The following FAM168A variants were observed in gnomAD, a reference collection of about 807,000 sequenced individuals.
FAM168A encodes the protein protein FAM168A.
Under a neutral mutation model 28.5 loss-of-function variants are expected in FAM168A, and 3 were observed. That is an observed-to-expected ratio of 0.11 (90% CI 0.05 to 0.27). FAM168A has a LOEUF of 0.27. FAM168A is among the 10% of genes least tolerant of loss of function. The probability of loss-of-function intolerance (pLI) is 1.00; values close to 1 mark genes in which losing one functional copy is unlikely to be tolerated. For missense variants in FAM168A, 222 were observed against 311.5 expected (o/e 0.71, Z 2.16); for synonymous variants, 122 against 124.2 (o/e 0.98, Z 0.12).
chr11:73,472,817 G>C (rs1364348268), intron 1 of FAM168A, among the ~76,000 whole-genome samples: 1 of 152,172 alleles, frequency 6.6e-6, no homozygotes, highest in East Asian at 1.9e-4. Flanking sequence ...TGAGAAACTG[G>C]AATAATAAAA....
chr11:73,538,739 G>A (rs963626927), intron 1 of FAM168A, among the ~76,000 whole-genome samples: 3 of 152,140 alleles, frequency 2.0e-5, no homozygotes, highest in Non-Finnish European at 2.9e-5. Context: ...CATTCCAAAA[G>A]AGAAACCAAG....
Position 73,488,130 on chromosome 11 carries a change from CT to C in FAM168A, c.-18-19639del, listed in dbSNP as rs34343909. Among the ~76,000 whole-genome samples, 1,413 of 143,894 alleles carry C rather than the reference CT, an allele frequency of 9.8e-3. 17 individuals are homozygous for C. The highest frequency in any genetic ancestry group is 0.031 in the African/African-American group (1,219 of 39,494). 94.4% of individuals were successfully genotyped at this position (143,894 alleles called of 152,430 possible). A position where few individuals can be genotyped will look rare whatever the true frequency, so the allele number is the denominator to read the frequency against. Reference sequence around the variant, plus strand: ...CATGATCACTATTTTCATGTGGGGCCTTTTTTTTTTTTTCTTTTTAGACGAA... The same window carrying C: ...CATGATCACTATTTTCATGTGGGGCCTTTTTTTTTTTTCTTTTTAGACGAA... On this transcript the variant is annotated intron_variant, in intron 1 of 7. Transcript: ENST00000356467.
At position 73,577,064 on chromosome 11, in the gene FAM168A, T is replaced by C. The variant is rs941487219; in HGVS notation, c.-19+20859A>G. Among the ~76,000 whole-genome samples the C allele has an allele frequency of 1.4e-4, 22 of 152,218 alleles. 1 individual carries two copies. Among genetic ancestry groups the C allele is most frequent in the African/African-American group, 4.8e-4 (20 of 41,440 alleles). ...ACACTACCTAACAGCTAACCTGTGC[T>C]GAACCGCATCACGGAATAGAGAAGG... On this transcript the variant is annotated intron_variant, in intron 1 of 7. Coordinates refer to ENST00000356467, the MANE Select transcript of FAM168A (RefSeq NM_015159.3).
At chr11:73,536,470 G>A (rs757480192) in intron 1 of FAM168A, among the ~76,000 whole-genome samples, 5 of 152,142 alleles carry the variant, frequency 3.3e-5, no homozygotes, top group South Asian at 4.1e-4. Flanking sequence ...GGCAGATCAC[G>A]TAAGGTCAGG....
intron 1 of FAM168A, among the ~76,000 whole-genome samples, chr11:73,488,198 T>C (rs1172335458): frequency 6.6e-6 from 1 of 152,090 alleles, no homozygotes; most frequent in Non-Finnish European, 1.5e-5. Context: ...TGGCACGATC[T>C]TGGCTCACCA....
chr11:73,597,459 G>C (rs1170741954), intron 1 of FAM168A, among the ~76,000 whole-genome samples: 1 of 151,558 alleles, frequency 6.6e-6, no homozygotes, highest in African/African-American at 2.4e-5. Flanking sequence ...AACCAACCCT[G>C]TACATGCCAC....
At chr11:73,515,457 G>A (rs1204257611) in intron 1 of FAM168A, among the ~76,000 whole-genome samples, 2 of 148,852 alleles carry the variant, frequency 1.3e-5, no homozygotes, top group African/African-American at 5.0e-5. Context: ...GCAGTGAGCC[G>A]AGATTGTGCC....
At chr11:73,438,095 A>G (rs1456165720) in intron 2 of FAM168A, among the ~76,000 whole-genome samples, 1 of 152,158 alleles carries the variant, frequency 6.6e-6, no homozygotes. Flanking sequence ...CTGCATCCAG[A>G]TTTCATCATC....
intron 2 of FAM168A, among the ~76,000 whole-genome samples, chr11:73,445,542 A>T (rs990003858): frequency 2.1e-5 from 3 of 146,098 alleles, no homozygotes; most frequent in African/African-American, 7.6e-5. Context: ...CTGGGATTAC[A>T]GGAATGAGCC....
At chr11:73,573,636 C>G (rs533594288) in intron 1 of FAM168A, among the ~76,000 whole-genome samples, 1 of 152,284 alleles carries the variant, frequency 6.6e-6, no homozygotes, top group African/African-American at 2.4e-5. Context: ...AAATTTGCCT[C>G]TTAAAATAGC....
chr11:73,408,083 C>T (rs1229265750), intron 6 of FAM168A, among the ~76,000 whole-genome samples: 1 of 152,202 alleles, frequency 6.6e-6, no homozygotes, highest in Admixed American at 6.5e-5. Flanking sequence ...GTTGGCCAGG[C>T]TGGTCTCGAA....
At chr11:73,558,616 A>T (rs80034308) in intron 1 of FAM168A, among the ~76,000 whole-genome samples, 13 of 151,830 alleles carry the variant, frequency 8.6e-5, no homozygotes, top group Non-Finnish European at 1.5e-4. Context: ...AAAAAAAAAA[A>T]TTTTAATGGG....
intron 1 of FAM168A, among the ~76,000 whole-genome samples, chr11:73,563,294 G>A (rs1318056777): frequency 1.3e-5 from 2 of 152,180 alleles, no homozygotes; most frequent in African/African-American, 2.4e-5. Context: ...CCGTTTGTTA[G>A]CTAAGCAACT....
intron 1 of FAM168A, among the ~76,000 whole-genome samples, chr11:73,469,305 T>C (rs1056133867): frequency 8.5e-5 from 13 of 152,218 alleles, no homozygotes; most frequent in Non-Finnish European, 1.9e-4. Context: ...TTCCTTACTA[T>C]ATAGCCTGAC....
At chr11:73,515,466 C>T (rs114405201) in intron 1 of FAM168A, among the ~76,000 whole-genome samples, 1 of 149,478 alleles carries the variant, frequency 6.7e-6, no homozygotes, top group South Asian at 2.1e-4. Context: ...CGAGATTGTG[C>T]CATTGCACTC....
At chr11:73,449,861 T>G (rs2134545296) in intron 2 of FAM168A, among the ~76,000 whole-genome samples, 1 of 152,346 alleles carries the variant, frequency 6.6e-6, no homozygotes, top group East Asian at 1.9e-4. Flanking sequence ...GAAGTATGGT[T>G]TTGTAGCTTA....
At chr11:73,559,299 C>T (rs1361933055) in intron 1 of FAM168A, among the ~76,000 whole-genome samples, 2 of 151,906 alleles carry the variant, frequency 1.3e-5, no homozygotes, top group African/African-American at 4.8e-5. Flanking sequence ...CCCAGTTACT[C>T]GGGAGGCTGA....
intron 2 of FAM168A, among the ~76,000 whole-genome samples, chr11:73,433,523 TTGAG>T (rs748377671): frequency 1.1e-4 from 16 of 152,168 alleles, no homozygotes; most frequent in East Asian, 7.7e-4. Context: ...TTGGCTTATA[TTGAG>T]ATCACTGATC....
At chr11:73,446,093 C>G (rs1867308666) in intron 2 of FAM168A, among the ~76,000 whole-genome samples, 1 of 152,160 alleles carries the variant, frequency 6.6e-6, no homozygotes, top group African/African-American at 2.4e-5. Context: ...TTGTACAATG[C>G]AAATGACACT....
Sources: gnomAD v4.1 joint callset for allele counts (sites outside exome capture counted in the v4.1 genomes callset) on GRCh38, gnomAD v4.1.1 for gene constraint, MANE v1.5 for transcripts, NCBI Gene and HGNC (gene_info 2026-07-23, HGNC 2026-07-21) for gene names.